IQANK1: variants seen among roughly 807,000 people sequenced by gnomAD.
IQANK1 encodes IQ motif and ankyrin repeat domain-containing protein 1.
Under a neutral mutation model 22.6 loss-of-function variants are expected in IQANK1, and 30 were observed. That is an observed-to-expected ratio of 1.33 (90% CI 0.99 to 1.80). IQANK1 has a LOEUF of 1.80. Among genes scored for constraint, IQANK1 ranks in the 40% most tolerant of loss-of-function variants. IQANK1 has a pLI of 0.00. For missense variants in IQANK1, 275 were observed against 235.2 expected, an observed-to-expected ratio of 1.17 and a Z score of -1.11; for synonymous variants, 122 against 99.6, an observed-to-expected ratio of 1.23 and a Z score of -1.34.
rs113495748 is a variant in IQANK1 at position 143,788,636 on chromosome 8, G to T, written c.790-279G>T. On this transcript the variant is annotated intron_variant, in intron 7 of 13. Coordinates refer to ENST00000527139, the MANE Select transcript of IQANK1 (RefSeq NM_001381874.1). ...GGCCAGGTCCTGGGGGACTGAAGGG[G>T]AAGGAAGCCCTTGGAGGCCCAGCCA... 8.5e-3 allele frequency among the ~76,000 whole-genome samples: 1,300 copies of T among 152,330 alleles called. 16 individuals are homozygous for T. The highest frequency in any genetic ancestry group is 0.028 in the African/African-American group (1,155 of 41,572).
intron 11 of IQANK1, 48 bp from the exon 12 acceptor site, chr8:143,789,923 G>A: frequency 8.1e-7 from 1 of 1,231,924 alleles, no homozygotes; most frequent in Non-Finnish European, 1.0e-6. Flanking sequence ...CCCAGGGCGG[G>A]GTCCGGCGTC....
At chr8:143,772,936 T>G (rs74635366) in intron 7 of IQANK1, among the ~76,000 whole-genome samples, 7,233 of 152,268 alleles carry the variant, frequency 0.048, 504 homozygotes, top group African/African-American at 0.16. Context: ...GTACGTCGGT[T>G]TTCCAGAGAA....
At position 143,774,569 on chromosome 8, in the gene IQANK1, G is replaced by A. The variant is rs1420900986; in HGVS notation, c.789+2087G>A. 1.3e-5 allele frequency among the ~76,000 whole-genome samples: 2 copies of A among 152,184 alleles called. No homozygotes were observed. Among genetic ancestry groups the A allele is most frequent in the African/African-American group, 4.8e-5 (2 of 41,440 alleles). On this transcript the variant is annotated intron_variant, in intron 7 of 13. Coordinates refer to ENST00000527139, the MANE Select transcript of IQANK1 (RefSeq NM_001381874.1). This position sits in a 1 kb window ranked among gnomAD's most constrained non-coding sequence, Gnocchi z 4.2. The stretch of plus-strand genomic sequence containing the variant: ...ACCTTGCTGGGGGGACGCAGCACCA[G>A]TACAGCCGCTCTTGCAAATAGGCAG...
At chr8:143,767,546 A>G (rs1819501199) in intron 3 of IQANK1, among the ~76,000 whole-genome samples, 1 of 152,176 alleles carries the variant, frequency 6.6e-6, no homozygotes, top group Non-Finnish European at 1.5e-5. Flanking sequence ...TTACATAGAG[A>G]CAGTACAAGG....
chr8:143,737,173 CTCTAG>C (rs1554625788), intron 2 of IQANK1, among the ~76,000 whole-genome samples: 1 of 152,244 alleles, frequency 6.6e-6, no homozygotes, highest in African/African-American at 2.4e-5. Flanking sequence ...CTTCCGCAAT[CTCTAG>C]CCCTGAGTAC....
chr8:143,740,284 C>T (rs1387512542), intron 3 of IQANK1, among the ~76,000 whole-genome samples: 1 of 152,006 alleles, frequency 6.6e-6, no homozygotes, highest in Non-Finnish European at 1.5e-5. Context: ...GGGTCCGCCG[C>T]GTCGTGCCCG....
intron 3 of IQANK1, among the ~76,000 whole-genome samples, chr8:143,761,907 C>T (rs1026119112): frequency 6.6e-6 from 1 of 151,568 alleles, no homozygotes; most frequent in African/African-American, 2.4e-5. Flanking sequence ...TATACATTCT[C>T]CCTCTATAGG....
At position 143,774,058 on chromosome 8, in the gene IQANK1, G is replaced by A. The variant is rs1487307702; in HGVS notation, c.789+1576G>A. Among the ~76,000 whole-genome samples, 1 of 152,054 alleles carries A rather than the reference G, an allele frequency of 6.6e-6. No individual in the cohort carries two copies. The highest frequency in any genetic ancestry group is 1.5e-5 in the Non-Finnish European group (1 of 68,020). On this transcript the variant is annotated intron_variant, in intron 7 of 13. Coordinates refer to ENST00000527139, the MANE Select transcript of IQANK1 (RefSeq NM_001381874.1). This position sits in a 1 kb window ranked among gnomAD's most constrained non-coding sequence, Gnocchi z 4.2. The stretch of plus-strand genomic sequence containing the variant: ...CACACCTATAAAAAATGAACTCAAA[G>A]TGGATTATAGATTTAAATGTAAAGG...
At position 143,735,871 on chromosome 8, in the gene IQANK1, GAGACCCAAAGCTGCAGCTGGGAAGTGGC is replaced by G. The variant is rs1456048537; in HGVS notation, c.23_50del (p.Pro8ArgfsTer139). On this transcript the variant is annotated frameshift_variant, in exon 2 of 14. Coordinates refer to ENST00000527139, the MANE Select transcript of IQANK1 (RefSeq NM_001381874.1). LOFTEE classifies it high-confidence loss of function. The surrounding 1 kb of genome is among the most constrained non-coding windows in gnomAD (Gnocchi z 5.2). ...CCAGGAGAATGGACAGTAAGAAGGG[GAGACCCAAAGCTGCAGCTGGGAAGTGGC>G]AGACGCTCCACCCTGGGCCCAAGAC... 1 of 702,494 alleles carries G rather than the reference GAGACCCAAAGCTGCAGCTGGGAAGTGGC, an allele frequency of 1.4e-6. No individual in the cohort carries two copies. Among genetic ancestry groups the G allele is most frequent in the Non-Finnish European group, 2.6e-6 (1 of 384,920 alleles). 43.5% of individuals were successfully genotyped at this position (702,494 alleles called of 1,614,324 possible). A position where few individuals can be genotyped will look rare whatever the true frequency, so the allele number is the denominator to read the frequency against.
chr8:143,753,785 T>A (rs1168519313), intron 3 of IQANK1, among the ~76,000 whole-genome samples: 9 of 152,198 alleles, frequency 5.9e-5, no homozygotes, highest in African/African-American at 2.2e-4. Flanking sequence ...GATTTATTTT[T>A]GTTTTCCTTT....
At position 143,774,177 on chromosome 8, in the gene IQANK1, CAA is replaced by C. The variant is rs61709186; in HGVS notation, c.789+1709_789+1710del. 1.6e-3 allele frequency among the ~76,000 whole-genome samples: 213 copies of C among 136,512 alleles called. No homozygotes were observed. The highest frequency in any genetic ancestry group is 3.3e-3 in the East Asian group (16 of 4,918). The allele number at this position is 136,512 out of a possible 152,430, so 89.6% of individuals were successfully genotyped here. A position where few individuals can be genotyped will look rare whatever the true frequency, so the allele number is the denominator to read the frequency against. ...TGGACATGACACAAAAAGCACAATC[CAA>C]AAAAAAAAAAAAACCACATTGATAA... On this transcript the variant is annotated intron_variant, in intron 7 of 13. Transcript: ENST00000527139. This position sits in a 1 kb window ranked among gnomAD's most constrained non-coding sequence, Gnocchi z 4.2.
intron 7 of IQANK1, among the ~76,000 whole-genome samples, chr8:143,784,289 G>A (rs533889286): frequency 6.6e-6 from 1 of 152,252 alleles, no homozygotes; most frequent in Admixed American, 6.5e-5. Flanking sequence ...TCTCACAATA[G>A]TGAGTTCTCA....
At chr8:143,790,085 G>A (rs1039807466) in intron 12 of IQANK1, 21 bp downstream of exon 12, 18 of 1,232,140 alleles carry the variant, frequency 1.5e-5, no homozygotes, top group Middle Eastern at 3.1e-4. Context: ...CGGGCCAGAC[G>A]TGGGCGATTT....
intron 3 of IQANK1, among the ~76,000 whole-genome samples, chr8:143,764,407 G>T (rs1467812484): frequency 3.4e-5 from 5 of 149,148 alleles, no homozygotes; most frequent in Admixed American, 2.0e-4. Flanking sequence ...TTGAGCTCAG[G>T]AGTTTGAGAC....
At chr8:143,749,276 A>T (rs1392909563) in intron 3 of IQANK1, among the ~76,000 whole-genome samples, 1 of 124,416 alleles carries the variant, frequency 8.0e-6, no homozygotes, top group Non-Finnish European at 1.6e-5. Context: ...TGTATATATA[A>T]ATATATATAA....
intron 3 of IQANK1, among the ~76,000 whole-genome samples, chr8:143,770,855 G>A (rs1819557754): frequency 6.6e-6 from 1 of 152,254 alleles, no homozygotes; most frequent in Admixed American, 6.5e-5. Flanking sequence ...GGCCGGGGAG[G>A]CTGAGTGGTG....
chr8:143,771,431 C>A lies in IQANK1; in HGVS notation c.176-57C>A, dbSNP rs1310420400. 1.3e-5 allele frequency: 5 copies of A among 395,380 alleles called. No individual in the cohort carries two copies. Among genetic ancestry groups the A allele is most frequent in the Non-Finnish European group, 2.2e-5 (5 of 224,104 alleles). The allele number at this position is 395,380 out of a possible 1,614,324, so 24.5% of individuals were successfully genotyped here. A position where few individuals can be genotyped will look rare whatever the true frequency, so the allele number is the denominator to read the frequency against. On this transcript the variant is annotated intron_variant, in intron 3 of 13. Transcript: ENST00000527139. The surrounding 1 kb of genome is among the most constrained non-coding windows in gnomAD (Gnocchi z 6.0). ...GCGGGGCCGGCTCCACTCCCAGGGG[C>A]GCAGCAGGCGTGGCTGGAGGCGAGA... is the stretch of plus-strand genomic sequence containing the variant.
chr8:143,771,502 C>T lies in IQANK1; in HGVS notation c.190C>T (p.Arg64Ter), dbSNP rs1239200282. 5.0e-6 allele frequency: 2 copies of T among 397,934 alleles called. No individual in the cohort carries two copies. Among genetic ancestry groups the T allele is most frequent in the Non-Finnish European group, 8.9e-6 (2 of 225,722 alleles). 24.7% of individuals were successfully genotyped at this position (397,934 alleles called of 1,614,324 possible). The stretch of plus-strand genomic sequence containing the variant: ...CCCCACCCCAGGGCCGGCCGAGGAC[C>T]GAGCGGCCAGAGCGATCCAGGGCGC... ...PQAPTGPAED[R>*]AARAIQGAFR... The change falls in exon 4 of 14, where the codon CGA becomes TGA. Residue 64 changes from arginine (R) to a stop codon, truncating the protein, a stop_gained. Transcript: ENST00000527139. LOFTEE classifies it high-confidence loss of function. The surrounding 1 kb of genome is among the most constrained non-coding windows in gnomAD (Gnocchi z 6.0).
chr8:143,752,997 T>A (rs113738497), intron 3 of IQANK1, among the ~76,000 whole-genome samples: 1,106 of 8,644 alleles, frequency 0.13, 16 homozygotes, highest in African/African-American at 0.18. Context: ...TCTCTGTTCG[T>A]TTTTTTTTTT....
Sources: gnomAD v4.1 joint callset for allele counts (sites outside exome capture counted in the v4.1 genomes callset) on GRCh38, gnomAD v4.1.1 for gene constraint, Gnocchi (gnomAD v3.1) non-coding constraint, MANE v1.5 for transcripts, NCBI Gene and HGNC (gene_info 2026-07-23, HGNC 2026-07-21) for gene names.